Variants in BICD1 observed in about 807,000 individuals in gnomAD.
BICD1 encodes BICD cargo adaptor 1.
BICD1 carries 35 observed loss-of-function variants against 92.5 expected under a neutral mutation model. The ratio of observed to expected loss-of-function variants is 0.38; its 90% CI spans 0.29 to 0.50. BICD1 has a LOEUF of 0.50. Among genes scored for constraint, BICD1 ranks in the 20% least tolerant of loss-of-function variants. BICD1 has a pLI of 0.93. For synonymous variants in BICD1, 429 were observed against 465.1 expected, an observed-to-expected ratio of 0.92 and a Z score of 1.00; for missense variants, 950 against 1,189.8, an observed-to-expected ratio of 0.80 and a Z score of 2.97.
chr12:32,291,229 T>C (rs1037821404), intron 2 of BICD1, among the ~76,000 whole-genome samples: 2 of 152,166 alleles, frequency 1.3e-5, no homozygotes, highest in Non-Finnish European at 2.9e-5. Flanking sequence ...AAGGGAGTTA[T>C]TTACAGTTAA....
chr12:32,350,075 T>C (rs1456315897), intron 8 of BICD1, among the ~76,000 whole-genome samples: 3 of 152,234 alleles, frequency 2.0e-5, no homozygotes, highest in Non-Finnish European at 4.4e-5. Context: ...TCCTGAGCTC[T>C]AAGGGAGTTG....
chr12:32,118,060 ATATTTTATTT>A (rs372623765), intron 1 of BICD1, among the ~76,000 whole-genome samples: 328 of 135,194 alleles, frequency 2.4e-3, no homozygotes, highest in African/African-American at 8.7e-3. Flanking sequence ...GCTTAGTCCA[ATATTTTATTT>A]TATTTTATTT....
At chr12:32,271,514 CTTGA>C in intron 2 of BICD1, among the ~76,000 whole-genome samples, 2 of 152,248 alleles carry the variant, frequency 1.3e-5, no homozygotes, top group East Asian at 3.9e-4. Context: ...TAAAAGATCC[CTTGA>C]TTATTACATC....
chr12:32,191,039 A>G (rs1944548649), intron 1 of BICD1, among the ~76,000 whole-genome samples: 1 of 152,230 alleles, frequency 6.6e-6, no homozygotes, highest in African/African-American at 2.4e-5. Flanking sequence ...CTTGAGGCAA[A>G]TGCAAATGGA....
intron 1 of BICD1, among the ~76,000 whole-genome samples, chr12:32,206,569 G>A (rs1378556986): frequency 1.3e-5 from 2 of 152,154 alleles, no homozygotes; most frequent in African/African-American, 2.4e-5. Context: ...TCACGCCACT[G>A]CACTCCAGCC....
chr12:32,152,638 TTA>T (rs1943322184), intron 1 of BICD1, among the ~76,000 whole-genome samples: 1 of 152,166 alleles, frequency 6.6e-6, no homozygotes, highest in African/African-American at 2.4e-5. Context: ...AGGGAGACAT[TTA>T]TATATATAAA....
At chr12:32,107,873 C>G (rs1211307988) in intron 1 of BICD1, 11 of 611,614 alleles carry the variant, frequency 1.8e-5, no homozygotes, top group Middle Eastern at 4.2e-4. Flanking sequence ...CTCAAAACCG[C>G]TGTTATCTCA....
chr12:32,128,571 C>T (rs924918146), intron 1 of BICD1, among the ~76,000 whole-genome samples: 5 of 151,520 alleles, frequency 3.3e-5, no homozygotes, highest in Non-Finnish European at 5.9e-5. Flanking sequence ...TACATTATTT[C>T]ATTTTTAGTA....
At chr12:32,374,991 T>G (rs113095623) in intron 9 of BICD1, among the ~76,000 whole-genome samples, 5 of 53,748 alleles carry the variant, frequency 9.3e-5, no homozygotes, top group Non-Finnish European at 1.9e-4. Flanking sequence ...CGATCTCGGC[T>G]CACTGCAAGC....
chr12:32,339,335 T>A lies in BICD1; in HGVS notation c.2764+356T>A, dbSNP rs918063886. On this transcript the variant is annotated intron_variant, in intron 8 of 9. Transcript: ENST00000652176. ...GTCAGATTTGGCCAGTTCTCTCTTA[T>A]CGTTTTTAATGTAATTTCCGTAAAG... 3.4e-5 allele frequency: 34 copies of A among 1,003,956 alleles called. No individual in the cohort carries two copies. The African/African-American group carries it at 5.5e-4, about 16-fold the overall frequency. 62.2% of individuals were successfully genotyped at this position (1,003,956 alleles called of 1,614,324 possible).
chr12:32,303,812 C>T (rs944758866), intron 3 of BICD1, among the ~76,000 whole-genome samples: 4 of 152,136 alleles, frequency 2.6e-5, no homozygotes, highest in African/African-American at 7.2e-5. Flanking sequence ...TGGTGGCTCA[C>T]GCCTGTAATC....
At chr12:32,269,268 A>G (rs1035709639) in intron 2 of BICD1, among the ~76,000 whole-genome samples, 2 of 152,200 alleles carry the variant, frequency 1.3e-5, no homozygotes, top group African/African-American at 4.8e-5. Context: ...TAGGCACATG[A>G]ATATTTTGAA....
intron 2 of BICD1, among the ~76,000 whole-genome samples, chr12:32,239,246 C>A (rs1204031056): frequency 3.0e-5 from 3 of 99,288 alleles, no homozygotes; most frequent in African/African-American, 6.9e-5. Flanking sequence ...GACTCCGTCT[C>A]AAAAAAAAAA....
intron 2 of BICD1, among the ~76,000 whole-genome samples, chr12:32,285,823 C>T (rs813784): frequency 0.58 from 87,494 of 151,972 alleles, 25,970 homozygotes; most frequent in Middle Eastern, 0.75. Context: ...CAGAGCTCAG[C>T]GCCATCTTAT....
At chr12:32,345,250 G>A (rs1436282433) in intron 8 of BICD1, among the ~76,000 whole-genome samples, 1 of 148,076 alleles carries the variant, frequency 6.8e-6, no homozygotes, top group African/African-American at 2.5e-5. Flanking sequence ...GCACTCCAGC[G>A]AGTGATGGAG....
chr12:32,246,474 T>C (rs73310771), intron 2 of BICD1, among the ~76,000 whole-genome samples: 6,171 of 151,820 alleles, frequency 0.041, 445 homozygotes, highest in African/African-American at 0.14. Context: ...TCCATCTCTA[T>C]AAAAATTTTA....
intron 1 of BICD1, among the ~76,000 whole-genome samples, chr12:32,109,960 G>A (rs1941627001): frequency 6.6e-6 from 1 of 152,112 alleles, no homozygotes; most frequent in Non-Finnish European, 1.5e-5. Flanking sequence ...AGTAAATGAT[G>A]TTGCATTATA....
At chr12:32,169,892 G>A (rs1227047757) in intron 1 of BICD1, among the ~76,000 whole-genome samples, 1 of 152,140 alleles carries the variant, frequency 6.6e-6, no homozygotes, top group Non-Finnish European at 1.5e-5. Context: ...CACTGCGCCT[G>A]GCCCCCAAGA....
chr12:32,116,590 G>T (rs1490793859), intron 1 of BICD1, among the ~76,000 whole-genome samples: 1 of 151,204 alleles, frequency 6.6e-6, no homozygotes, highest in African/African-American at 2.4e-5. Flanking sequence ...TGCGATTACA[G>T]CCCACTGCAG....
Sources: gnomAD v4.1 joint callset for allele counts (sites outside exome capture counted in the v4.1 genomes callset) on GRCh38, gnomAD v4.1.1 for gene constraint, MANE v1.5 for transcripts, NCBI Gene and HGNC (gene_info 2026-07-23, HGNC 2026-07-21) for gene names.